Variants in AMZ1 observed in about 807,000 individuals in gnomAD.
AMZ1 encodes archaemetzincin-1.
A neutral mutation model predicts 29.9 loss-of-function variants in AMZ1; 39 were observed. That is an observed-to-expected ratio of 1.30 (90% CI 1.01 to 1.70). AMZ1 has a LOEUF of 1.70. Ranked by LOEUF, AMZ1 falls within the 40% of genes most tolerant of loss-of-function variation. The pLI, the probability that AMZ1 is intolerant of heterozygous loss-of-function variation, is 0.00. For missense variants in AMZ1, 1,041 were observed against 680.6 expected (o/e 1.53, Z -5.89); for synonymous variants, 458 against 304.0 (o/e 1.51, Z -5.27).
rs1789869867 is a variant in AMZ1 at position 2,731,171 on chromosome 7, G to A, written n.550+21355G>A. 4.4e-6 allele frequency: 7 copies of A among 1,587,488 alleles called. No individual in the cohort carries two copies. The Admixed American group carries it at 6.8e-5, about 15-fold the overall frequency. ...CTGCTCAACGACGACAAACCCCGGG[G>A]CTTCCTCGCTCACTGCAGCATGATG... On this transcript the variant is annotated intron_variant and non_coding_transcript_variant, in intron 4 of 4. Coordinates refer to the AMZ1 transcript ENST00000489665. This position sits in a 1 kb window ranked among gnomAD's most constrained non-coding sequence, Gnocchi z 6.0.
intron 1 of AMZ1, among the ~76,000 whole-genome samples, chr7:2,691,150 A>T (rs1787364325): frequency 6.8e-6 from 1 of 146,112 alleles, no homozygotes; most frequent in Non-Finnish European, 1.5e-5. Context: ...AAAAAAAAAA[A>T]GCATTTCTCA....
intron 4 of AMZ1, chr7:2,729,290 G>C (rs1033590594): frequency 3.3e-5 from 5 of 152,418 alleles, no homozygotes; most frequent in African/African-American, 1.2e-4. Context: ...CACTGTTGCA[G>C]ACTGCAAATG....
At chr7:2,692,661 C>T (rs945806891) in intron 1 of AMZ1, among the ~76,000 whole-genome samples, 2 of 152,118 alleles carry the variant, frequency 1.3e-5, no homozygotes, top group African/African-American at 4.8e-5. Context: ...CCCAGGAGTC[C>T]CCGAGGGGAC....
chr7:2,712,490 C>G lies in AMZ1; in HGVS notation c.1109C>G (p.Pro370Arg), dbSNP rs1223266803. The change falls in exon 7 of 7, where the codon CCT becomes CGT. Residue 370 changes from proline to arginine, a missense_variant. Physicochemically the swap from Pro to Arg is moderately radical, Grantham distance 103. Coordinates refer to ENST00000683327, the MANE Select transcript of AMZ1 (RefSeq NM_001384743.1). ...PGTSVSEPLTPDAGSHTFASG... is the reference protein window; with the variant it reads ...PGTSVSEPLTRDAGSHTFASG... Reference sequence around the variant, plus strand: ...ACCAGTGTGTCGGAGCCCCTCACCCCTGATGCCGGGAGTCACACCTTCGCC... The same window carrying G: ...ACCAGTGTGTCGGAGCCCCTCACCCGTGATGCCGGGAGTCACACCTTCGCC... The G allele has an allele frequency of 6.2e-7, 1 of 1,610,012 alleles. No homozygotes were observed. The highest frequency in any genetic ancestry group is 8.5e-7 in the Non-Finnish European group (1 of 1,178,874).
At chr7:2,683,341 A>G (rs144961799), upstream of AMZ1, among the ~76,000 whole-genome samples, 659 of 152,216 alleles carry the variant, frequency 4.3e-3, 20 homozygotes, top group East Asian at 0.061. Context: ...TGGGGGCTCC[A>G]GGTGTCCTTG....
upstream of AMZ1, among the ~76,000 whole-genome samples, chr7:2,685,320 G>A (rs965013367): frequency 1.3e-4 from 20 of 151,852 alleles, no homozygotes; most frequent in African/African-American, 4.6e-4. Context: ...CAATTTGGGA[G>A]GCCAAGGCGG....
intron 4 of AMZ1, among the ~76,000 whole-genome samples, chr7:2,739,039 G>T (rs1156630783): frequency 1.3e-5 from 2 of 152,222 alleles, no homozygotes; most frequent in Non-Finnish European, 2.9e-5. Context: ...CCGTGGAGCA[G>T]CCTCTACAAC....
chr7:2,731,187 C>T lies in AMZ1; in HGVS notation n.550+21371C>T. ...AACCCCGGGGCTTCCTCGCTCACTGCAGCATGATGTCCTTCAGGTTCTCCT... is the reference window on the plus strand; with the variant it reads ...AACCCCGGGGCTTCCTCGCTCACTGTAGCATGATGTCCTTCAGGTTCTCCT... On this transcript the variant is annotated intron_variant and non_coding_transcript_variant, in intron 4 of 4. Transcript: ENST00000489665. The surrounding 1 kb of genome is among the most constrained non-coding windows in gnomAD (Gnocchi z 6.0). 1 of 1,608,150 alleles carries T rather than the reference C, an allele frequency of 6.2e-7. No individual in the cohort carries two copies. The highest frequency in any genetic ancestry group is 8.5e-7 in the Non-Finnish European group (1 of 1,176,244).
chr7:2,707,328 C>G (rs1386974931), intron 3 of AMZ1, among the ~76,000 whole-genome samples: 2 of 152,036 alleles, frequency 1.3e-5, no homozygotes, highest in East Asian at 1.9e-4. Flanking sequence ...CCTTGTCAAT[C>G]TGTTCCTTTT....
At chr7:2,736,779 TCAGG>T (rs1404843552) in intron 4 of AMZ1, among the ~76,000 whole-genome samples, 4 of 152,214 alleles carry the variant, frequency 2.6e-5, no homozygotes, top group Non-Finnish European at 4.4e-5. Flanking sequence ...GTCAGCACCG[TCAGG>T]CAGGCACTGC....
chr7:2,702,966 G>A (rs1341505818), intron 3 of AMZ1, 77 bp downstream of exon 3: 4 of 1,457,022 alleles, frequency 2.7e-6, no homozygotes, highest in Non-Finnish European at 2.7e-6. Flanking sequence ...AAGGCGCCCA[G>A]GAGAGGAAGG....
intron 4 of AMZ1, among the ~76,000 whole-genome samples, chr7:2,752,182 T>C (rs184775312): frequency 4.4e-4 from 66 of 151,462 alleles, no homozygotes; most frequent in Non-Finnish European, 7.2e-4. Context: ...AAGAAAAAAA[T>C]ACGAATGTTT....
At chr7:2,692,928 T>C (rs1033860254) in intron 1 of AMZ1, among the ~76,000 whole-genome samples, 3 of 152,136 alleles carry the variant, frequency 2.0e-5, no homozygotes, top group African/African-American at 7.2e-5. Context: ...CCCAGACGTA[T>C]CTGCTGCGGG....
At chr7:2,759,212 A>G (rs1233492078) in intron 4 of AMZ1, among the ~76,000 whole-genome samples, 1 of 151,956 alleles carries the variant, frequency 6.6e-6, no homozygotes, top group Non-Finnish European at 1.5e-5. Flanking sequence ...AAACCCCATG[A>G]TGGATCTCAA....
In AMZ1 at chr7:2,708,817, C is replaced by A. The variant is rs77345769; in HGVS notation, c.601+101C>A. The stretch of plus-strand genomic sequence containing the variant: ...CCTCTTTGCTTTTGCTTCAAGCACC[C>A]TCCTGGTGGAAGTCAACACCTGTGC... On this transcript the variant is annotated intron_variant, in intron 4 of 6. Coordinates refer to ENST00000683327, the MANE Select transcript of AMZ1 (RefSeq NM_001384743.1). The A allele has an allele frequency of 1.5e-5, 24 of 1,558,280 alleles. No individual in the cohort carries two copies. The East Asian group carries it at 4.0e-4, about 26-fold the overall frequency.
intron 4 of AMZ1, chr7:2,729,853 C>G (rs971607471): frequency 6.6e-6 from 1 of 152,428 alleles, no homozygotes; most frequent in African/African-American, 2.4e-5. Context: ...ATTTTAAACA[C>G]AGTGAAAGCC....
chr7:2,694,735 C>G, intron 1 of AMZ1, among the ~76,000 whole-genome samples: 1 of 151,512 alleles, frequency 6.6e-6, no homozygotes. Context: ...TGCAGTGGCG[C>G]GATCTCAGCT....
intron 5 of AMZ1, 25 bp downstream of exon 5, chr7:2,709,269 A>G (rs925358685): frequency 3.4e-6 from 5 of 1,481,538 alleles, no homozygotes; most frequent in Non-Finnish European, 4.5e-6. Context: ...TGGGGCTGGT[A>G]AGAGGGGACA....
intron 3 of AMZ1, among the ~76,000 whole-genome samples, 153 bp from the exon 4 acceptor site, chr7:2,708,435 C>T (rs575475192): frequency 2.0e-5 from 3 of 152,214 alleles, no homozygotes; most frequent in South Asian, 2.1e-4. Context: ...TACTGTGTGC[C>T]CTCAGGTCAC....
Sources: gnomAD v4.1 joint callset for allele counts (sites outside exome capture counted in the v4.1 genomes callset) on GRCh38, gnomAD v4.1.1 for gene constraint, Gnocchi (gnomAD v3.1) non-coding constraint, MANE v1.5 for transcripts, NCBI Gene and HGNC (gene_info 2026-07-23, HGNC 2026-07-21) for gene names.